Variants in LRP1B observed in about 807,000 individuals in gnomAD.
The protein encoded by LRP1B is LDL receptor related protein 1B, also known as low-density lipoprotein receptor-related protein 1B.
Under a neutral mutation model 556.6 loss-of-function variants are expected in LRP1B, and 217 were observed. That is an observed-to-expected ratio of 0.39 (90% CI 0.35 to 0.44). LRP1B has a LOEUF of 0.44. Among genes scored for constraint, LRP1B ranks in the 20% least tolerant of loss-of-function variants. The probability of loss-of-function intolerance (pLI) is 1.00; values close to 1 mark genes in which losing one functional copy is unlikely to be tolerated. For missense variants in LRP1B, 5,053 were observed against 5,620.8 expected, an observed-to-expected ratio of 0.90 and a Z score of 3.23; for synonymous variants, 2,047 against 1,865.8, an observed-to-expected ratio of 1.10 and a Z score of -2.50.
intron 60 of LRP1B, 126 bp from the exon 61 acceptor site, chr2:140,457,777 T>C: frequency 1.4e-6 from 1 of 735,898 alleles, no homozygotes; most frequent in Non-Finnish European, 2.2e-6. Context: ...TGTGACAACC[T>C]GTCAGGCCAG....
At chr2:140,648,338 G>T (rs1441519322) in intron 41 of LRP1B, among the ~76,000 whole-genome samples, 2 of 152,056 alleles carry the variant, frequency 1.3e-5, no homozygotes, top group Non-Finnish European at 2.9e-5. Context: ...ACCTAATGTA[G>T]ATGACGAGTT....
intron 3 of LRP1B, among the ~76,000 whole-genome samples, chr2:141,436,739 T>A (rs1680780085): frequency 6.6e-6 from 1 of 152,170 alleles, no homozygotes; most frequent in African/African-American, 2.4e-5. Context: ...TTCTTGTAGA[T>A]AAATTGTTTT....
At chr2:141,713,617 T>C (rs185059687) in intron 2 of LRP1B, among the ~76,000 whole-genome samples, 15 of 152,176 alleles carry the variant, frequency 9.9e-5, no homozygotes, top group Admixed American at 2.0e-4. Context: ...TGAATTCTTT[T>C]ATTACCCTAG....
chr2:142,121,107 C>A, intron 1 of LRP1B, among the ~76,000 whole-genome samples: 1 of 152,112 alleles, frequency 6.6e-6, no homozygotes, highest in East Asian at 1.9e-4. Flanking sequence ...GTGCTGCATT[C>A]GTTCTTATAG....
chr2:141,542,850 T>C (rs1275710495), intron 2 of LRP1B, among the ~76,000 whole-genome samples: 1 of 152,124 alleles, frequency 6.6e-6, no homozygotes, highest in Non-Finnish European at 1.5e-5. Flanking sequence ...TAGTGCCTAT[T>C]TGCAGTCCTA....
chr2:141,037,715 G>A (rs556071774), intron 11 of LRP1B, among the ~76,000 whole-genome samples: 1 of 151,846 alleles, frequency 6.6e-6, no homozygotes, highest in Admixed American at 6.6e-5. Context: ...TTGTCCAGCT[G>A]GATACAGGGA....
At chr2:141,212,855 T>C (rs1010166373) in intron 6 of LRP1B, among the ~76,000 whole-genome samples, 1 of 152,164 alleles carries the variant, frequency 6.6e-6, no homozygotes, top group African/African-American at 2.4e-5. Context: ...TGTTGACGTA[T>C]AATGAAACCA....
At chr2:141,811,638 T>G (rs559498748) in intron 1 of LRP1B, among the ~76,000 whole-genome samples, 1 of 152,116 alleles carries the variant, frequency 6.6e-6, no homozygotes, top group African/African-American at 2.4e-5. Context: ...ACTCAAACTA[T>G]AGCTATTTCG....
chr2:140,864,336 C>T (rs1692885957), intron 27 of LRP1B, among the ~76,000 whole-genome samples: 1 of 151,956 alleles, frequency 6.6e-6, no homozygotes, highest in East Asian at 1.9e-4. Context: ...AATAACCATA[C>T]AAGCTTTAAA....
At chr2:141,110,949 A>G (rs945414004) in intron 7 of LRP1B, among the ~76,000 whole-genome samples, 1 of 152,204 alleles carries the variant, frequency 6.6e-6, no homozygotes. Flanking sequence ...AAAAGTTTAC[A>G]TATCAAAACA....
intron 1 of LRP1B, among the ~76,000 whole-genome samples, chr2:141,930,780 C>T (rs186633447): frequency 6.8e-4 from 103 of 152,194 alleles, no homozygotes; most frequent in African/African-American, 2.5e-3. Context: ...CAAGGCCAAA[C>T]TCTCACTTTA....
intron 2 of LRP1B, among the ~76,000 whole-genome samples, chr2:141,568,920 A>T (rs1559146412): frequency 7.0e-6 from 1 of 142,994 alleles, no homozygotes; most frequent in Non-Finnish European, 1.5e-5. Flanking sequence ...TGCCCAGTTA[A>T]TTTTTTTTTT....
At chr2:140,334,882 A>G (rs1680989982) in intron 78 of LRP1B, among the ~76,000 whole-genome samples, 2 of 151,162 alleles carry the variant, frequency 1.3e-5, no homozygotes, top group Admixed American at 1.3e-4. Context: ...ACCACATGAA[A>G]CTCCCCTTTT....
Position 141,179,800 on chromosome 2 carries a change from G to A in LRP1B, c.1013+8621C>T, listed in dbSNP as rs114852850. ...AACCACTAAGAGTCTGGGGCTCAAG[G>A]GAAAAATATCAATTTTGGTTCAATA... On this transcript the variant is annotated intron_variant, in intron 7 of 90. Transcript: ENST00000389484. Among the ~76,000 whole-genome samples the A allele has an allele frequency of 6.0e-3, 902 of 151,522 alleles. 9 individuals are homozygous for A. The highest frequency in any genetic ancestry group is 0.02 in the African/African-American group (840 of 41,338).
intron 7 of LRP1B, among the ~76,000 whole-genome samples, chr2:141,103,341 G>T (rs948126295): frequency 3.3e-5 from 5 of 152,018 alleles, no homozygotes; most frequent in Non-Finnish European, 7.4e-5. Flanking sequence ...AATAAAAGGG[G>T]AATTATTTAA....
At chr2:141,261,774 T>C (rs113560557) in intron 3 of LRP1B, among the ~76,000 whole-genome samples, 21 of 152,316 alleles carry the variant, frequency 1.4e-4, no homozygotes, top group African/African-American at 4.8e-4. Context: ...TACCTCACTT[T>C]GTTCATTCAT....
At chr2:141,539,681 A>C (rs1685185584) in intron 2 of LRP1B, among the ~76,000 whole-genome samples, 2 of 152,194 alleles carry the variant, frequency 1.3e-5, no homozygotes, top group Non-Finnish European at 2.9e-5. Context: ...TAGGCTTTGA[A>C]GACCTAAATG....
rs190416284 is a variant in LRP1B, at chr2:140,381,732, C to T, written c.10532-3446G>A. Among the ~76,000 whole-genome samples, 192 of 151,736 alleles carry T rather than the reference C, an allele frequency of 1.3e-3. 5 individuals carry two copies. The highest frequency in any genetic ancestry group is 0.012 in the Admixed American group (187 of 15,216). ...CAAAAATTAGCTGGGCACTGTTGTG[C>T]GCACCTGTAATCCCAGCTACTTGGG... On this transcript the variant is annotated intron_variant, in intron 67 of 90. Transcript: ENST00000389484.
At position 140,270,356 on chromosome 2, in the gene LRP1B, CAAAG is replaced by C. The variant is rs2104944158; in HGVS notation, c.13143-14_13143-11del. On this transcript the variant is annotated splice_polypyrimidine_tract_variant and intron_variant, in intron 85 of 90. Coordinates refer to ENST00000389484, the MANE Select transcript of LRP1B (RefSeq NM_018557.3). The stretch of plus-strand genomic sequence containing the variant: ...CTTTCCATTAGTGCAGCTGCAACAA[CAAAG>C]AAAAAAAGAACAATTTCATTGTTAT... 2 of 1,560,228 alleles carry C rather than the reference CAAAG, an allele frequency of 1.3e-6. No homozygotes were observed. Among genetic ancestry groups the C allele is most frequent in the South Asian group, 1.1e-5 (1 of 88,812 alleles).
Sources: gnomAD v4.1 joint callset for allele counts (sites outside exome capture counted in the v4.1 genomes callset) on GRCh38, gnomAD v4.1.1 for gene constraint, MANE v1.5 for transcripts, NCBI Gene and HGNC (gene_info 2026-07-23, HGNC 2026-07-21) for gene names.